The following MBOAT2 variants were observed in gnomAD, a reference collection of about 807,000 sequenced individuals.
MBOAT2 encodes the protein membrane-bound glycerophospholipid O-acyltransferase 2.
In MBOAT2, 28 loss-of-function variants were observed where a neutral mutation model predicts 63.4. The ratio of observed to expected loss-of-function variants is 0.44; its 90% CI spans 0.33 to 0.61. The LOEUF is 0.61. Among genes scored for constraint, MBOAT2 ranks in the 20% least tolerant of loss-of-function variants. The probability of loss-of-function intolerance (pLI) is 0.03; values close to 1 mark genes in which losing one functional copy is unlikely to be tolerated. For missense variants in MBOAT2, 470 were observed against 605.8 expected (o/e 0.78, Z 2.35); for synonymous variants, 211 against 215.6 (o/e 0.98, Z 0.19).
intron 9 of MBOAT2, among the ~76,000 whole-genome samples, chr2:8,864,886 C>T (rs1346587734): frequency 2.0e-5 from 3 of 152,176 alleles, no homozygotes; most frequent in Non-Finnish European, 4.4e-5. Context: ...TCACTTCTGA[C>T]CATTTTAGAT....
rs1573304983 is a variant in MBOAT2 at position 9,003,417 on chromosome 2, G to A, written c.75+123C>T. On this transcript the variant is annotated intron_variant, in intron 1 of 12. Coordinates refer to ENST00000305997, the MANE Select transcript of MBOAT2 (RefSeq NM_138799.4). This position sits in a 1 kb window ranked among gnomAD's most constrained non-coding sequence, Gnocchi z 5.4. ...CCCCCTCCCTTCCAGGGAGCGGCGGGTAGGGGGGCACCGGGCGCCCGGCCC... is the reference window on the plus strand; with the variant it reads ...CCCCCTCCCTTCCAGGGAGCGGCGGATAGGGGGGCACCGGGCGCCCGGCCC... The A allele has an allele frequency of 2.3e-6, 1 of 436,058 alleles. No homozygotes were observed. Among genetic ancestry groups the A allele is most frequent in the Admixed American group, 5.3e-5 (1 of 18,968 alleles). 27.0% of individuals were successfully genotyped at this position (436,058 alleles called of 1,614,324 possible).
At chr2:8,872,506 T>A (rs1352084845) in intron 8 of MBOAT2, among the ~76,000 whole-genome samples, 1 of 152,170 alleles carries the variant, frequency 6.6e-6, no homozygotes, top group East Asian at 1.9e-4. Flanking sequence ...GGTCTTGAAC[T>A]CCTGGCCTCA....
At chr2:8,875,092 T>G (rs959365424) in intron 7 of MBOAT2, among the ~76,000 whole-genome samples, 7 of 152,156 alleles carry the variant, frequency 4.6e-5, no homozygotes, top group African/African-American at 1.7e-4. Context: ...CTGATGCAGA[T>G]AGAGGAGAGA....
chr2:8,925,195 C>T (rs1666851164), intron 3 of MBOAT2, among the ~76,000 whole-genome samples: 1 of 151,860 alleles, frequency 6.6e-6, no homozygotes, highest in Non-Finnish European at 1.5e-5. Flanking sequence ...GTTTTTACAC[C>T]AAGATTAGAA....
At position 8,914,773 on chromosome 2, in the gene MBOAT2, C is replaced by T. The variant is rs548222466; in HGVS notation, c.300-6057G>A. 2.0e-5 allele frequency among the ~76,000 whole-genome samples: 3 copies of T among 152,002 alleles called. No individual in the cohort carries two copies. In the South Asian group the frequency reaches 6.2e-4, roughly 32 times the overall value. The stretch of plus-strand genomic sequence containing the variant: ...ATAAGCTGCAATTGTAAAATAAACC[C>T]CAGATTTTGAAGACTAAGTATAAAA... On this transcript the variant is annotated intron_variant, in intron 3 of 12. Transcript: ENST00000305997.
chr2:8,989,199 T>G (rs1671760723), intron 1 of MBOAT2, among the ~76,000 whole-genome samples: 2 of 152,284 alleles, frequency 1.3e-5, no homozygotes, highest in South Asian at 4.1e-4. Context: ...TTTCAGGTAA[T>G]CTTAGGTAAC....
At chr2:8,872,275 C>A (rs1289240471) in intron 8 of MBOAT2, among the ~76,000 whole-genome samples, 1 of 152,110 alleles carries the variant, frequency 6.6e-6, no homozygotes, top group East Asian at 1.9e-4. Context: ...TTGAGACTAC[C>A]TAGGGGTTAT....
chr2:9,000,742 T>C (rs535680821), intron 1 of MBOAT2, among the ~76,000 whole-genome samples: 1 of 152,338 alleles, frequency 6.6e-6, no homozygotes, highest in Non-Finnish European at 1.5e-5. Flanking sequence ...GGTCCAGGAC[T>C]TTACCGTACA....
At chr2:8,869,069 G>T (rs1662116799) in intron 8 of MBOAT2, among the ~76,000 whole-genome samples, 1 of 152,042 alleles carries the variant, frequency 6.6e-6, no homozygotes, top group African/African-American at 2.4e-5. Context: ...AAAAAATAGA[G>T]ACAGGGTCTC....
At chr2:8,859,573 A>C (rs899492219) in intron 12 of MBOAT2, among the ~76,000 whole-genome samples, 2 of 152,248 alleles carry the variant, frequency 1.3e-5, no homozygotes, top group African/African-American at 4.8e-5. Context: ...TAATTTTGTT[A>C]AAATGGAAAC....
intron 7 of MBOAT2, among the ~76,000 whole-genome samples, chr2:8,873,854 G>A (rs770111804): frequency 6.6e-6 from 1 of 152,180 alleles, no homozygotes; most frequent in Non-Finnish European, 1.5e-5. Flanking sequence ...AAAGACCCTG[G>A]TGAAAGGAAG....
intron 4 of MBOAT2, among the ~76,000 whole-genome samples, chr2:8,891,566 G>A (rs558047220): frequency 6.6e-6 from 1 of 152,284 alleles, no homozygotes; most frequent in East Asian, 1.9e-4. Flanking sequence ...GGACAATTAG[G>A]GTGATTCACA....
intron 1 of MBOAT2, among the ~76,000 whole-genome samples, chr2:8,988,890 T>C (rs1367971977): frequency 6.6e-6 from 1 of 152,228 alleles, no homozygotes; most frequent in Non-Finnish European, 1.5e-5. Context: ...AAATAAAGTA[T>C]ATGAAGAAAA....
intron 1 of MBOAT2, among the ~76,000 whole-genome samples, chr2:8,997,383 A>G (rs1672382772): frequency 6.6e-6 from 1 of 152,218 alleles, no homozygotes; most frequent in Admixed American, 6.5e-5. Flanking sequence ...TTTTTAAAGC[A>G]GGGAGACAAA....
intron 6 of MBOAT2, among the ~76,000 whole-genome samples, chr2:8,879,818 G>A (rs1572949308): frequency 6.6e-6 from 1 of 152,176 alleles, no homozygotes; most frequent in African/African-American, 2.4e-5. Context: ...CTCAGTGACA[G>A]GGGCAGGGAG....
chr2:8,910,269 T>C (rs1665624760), intron 3 of MBOAT2, among the ~76,000 whole-genome samples: 1 of 151,798 alleles, frequency 6.6e-6, no homozygotes, highest in South Asian at 2.1e-4. Context: ...CACACACATC[T>C]AGGGGACAAG....
In MBOAT2 at chr2:8,862,269, A is replaced by G; in HGVS notation, c.1185+321T>C. 2 of 1,293,768 alleles carry G rather than the reference A, an allele frequency of 1.5e-6. No homozygotes were observed. Among genetic ancestry groups the G allele is most frequent in the Non-Finnish European group, 2.0e-6 (2 of 992,296 alleles). The allele number at this position is 1,293,768 out of a possible 1,614,324, so 80.1% of individuals were successfully genotyped here. A position where few individuals can be genotyped will look rare whatever the true frequency, so the allele number is the denominator to read the frequency against. ...CAGGAAACATTTCTAAAATAAACCT[A>G]CCCATTCTGATCATCTTTATTTAAC... is the stretch of plus-strand genomic sequence containing the variant. On this transcript the variant is annotated intron_variant, in intron 11 of 12. Transcript: ENST00000305997. The surrounding 1 kb of genome is among the most constrained non-coding windows in gnomAD (Gnocchi z 4.3).
At chr2:8,924,136 C>T (rs369274194) in intron 3 of MBOAT2, among the ~76,000 whole-genome samples, 1 of 152,210 alleles carries the variant, frequency 6.6e-6, no homozygotes, top group East Asian at 1.9e-4. Context: ...TTTTTTTAAA[C>T]CACCTGCTTT....
intron 1 of MBOAT2, chr2:8,974,471 T>A (rs1018666679): frequency 6.6e-6 from 3 of 455,786 alleles, no homozygotes; most frequent in Non-Finnish European, 1.3e-5. Context: ...AACAGAAAGA[T>A]TAAAGAACCC....
Sources: gnomAD v4.1 joint callset for allele counts (sites outside exome capture counted in the v4.1 genomes callset) on GRCh38, gnomAD v4.1.1 for gene constraint, Gnocchi (gnomAD v3.1) non-coding constraint, MANE v1.5 for transcripts, NCBI Gene and HGNC (gene_info 2026-07-23, HGNC 2026-07-21) for gene names.